The following DOC2A variants were observed in gnomAD, a reference collection of about 807,000 sequenced individuals.
DOC2A encodes the protein double C2-like domain-containing protein alpha.
In DOC2A, 28 loss-of-function variants were observed where a neutral mutation model predicts 40.6. The ratio of observed to expected loss-of-function variants is 0.69; its 90% CI spans 0.51 to 0.95. The LOEUF is 0.95. Among genes scored for constraint, DOC2A ranks in the 40% least tolerant of loss-of-function variants. DOC2A has a pLI of 0.00. For missense variants in DOC2A, 474 were observed against 552.5 expected, an observed-to-expected ratio of 0.86 and a Z score of 1.42; for synonymous variants, 241 against 236.9, an observed-to-expected ratio of 1.02 and a Z score of -0.16.
Position 30,008,984 on chromosome 16 carries a change from G to T in DOC2A, c.527+12C>A, listed in dbSNP as rs1292578433. On this transcript the variant is annotated intron_variant, in intron 5 of 10. Transcript: ENST00000350119. ...CGAGCTGCTGCTGGGTGGTGGGGAG[G>T]GGGGCCCTCACCTGAGCACCTTGTG... 1 of 1,590,684 alleles carries T rather than the reference G, an allele frequency of 6.3e-7. No individual in the cohort carries two copies. Among genetic ancestry groups the T allele is most frequent in the South Asian group, 1.1e-5 (1 of 90,540 alleles).
Position 30,010,936 on chromosome 16 carries a change from G to A in DOC2A, c.-47C>T, listed in dbSNP as rs529244443. 435 of 1,013,580 alleles carry A rather than the reference G, an allele frequency of 4.3e-4. No homozygotes were observed. Among genetic ancestry groups the A allele is most frequent in the Admixed American group, 8.3e-4 (14 of 16,866 alleles). 62.8% of individuals were successfully genotyped at this position (1,013,580 alleles called of 1,614,324 possible). On this transcript the variant is annotated 5_prime_UTR_variant, in exon 1 of 11. Coordinates refer to ENST00000350119, the MANE Select transcript of DOC2A (RefSeq NM_003586.3). The surrounding 1 kb of genome is among the most constrained non-coding windows in gnomAD (Gnocchi z 4.2). Reference sequence around the variant, plus strand: ...CCAACAGGTGCCCAGGCACTGGGGGGACGGCGGGCGCAGGCTGGGCGGCGG... The same window carrying A: ...CCAACAGGTGCCCAGGCACTGGGGGAACGGCGGGCGCAGGCTGGGCGGCGG...
At position 30,010,981 on chromosome 16, in the gene DOC2A, G is replaced by A; in HGVS notation, c.-92C>T. 6 of 1,003,210 alleles carry A rather than the reference G, an allele frequency of 6.0e-6. No individual in the cohort carries two copies. Among genetic ancestry groups the A allele is most frequent in the Non-Finnish European group, 5.9e-6 (5 of 840,340 alleles). 62.1% of individuals were successfully genotyped at this position (1,003,210 alleles called of 1,614,324 possible). On this transcript the variant is annotated 5_prime_UTR_variant, in exon 1 of 11. Transcript: ENST00000350119. This position sits in a 1 kb window ranked among gnomAD's most constrained non-coding sequence, Gnocchi z 4.2. The stretch of plus-strand genomic sequence containing the variant: ...CGGCGGCGGCCGGCGAGGAGAGCGC[G>A]GAGTCGAGCTGTGCGAGCCGAGAGG...
Position 30,009,575 on chromosome 16 carries a change from G to T in DOC2A, c.263-18C>A. ...TAGGGCGGCTGGAGAGAGAGGAAAG[G>T]CAGCATGGGTCGGTATGGAGACAGG... On this transcript the variant is annotated intron_variant, in intron 2 of 10. Coordinates refer to ENST00000350119, the MANE Select transcript of DOC2A (RefSeq NM_003586.3). This position sits in a 1 kb window ranked among gnomAD's most constrained non-coding sequence, Gnocchi z 4.1. The T allele has an allele frequency of 6.5e-7, 1 of 1,549,256 alleles. No homozygotes were observed.
rs2070556644 is a variant in DOC2A, at chr16:30,005,703, G to A, written c.*483C>T. On this transcript the variant is annotated 3_prime_UTR_variant, in exon 11 of 11. Coordinates refer to ENST00000350119, the MANE Select transcript of DOC2A (RefSeq NM_003586.3). ...ATCTGCCACCTGCTGGGGAGGCAGAGACCCTGCAATGGCCACCTCTTTAAA... is the reference window on the plus strand; with the variant it reads ...ATCTGCCACCTGCTGGGGAGGCAGAAACCCTGCAATGGCCACCTCTTTAAA... 2 of 543,642 alleles carry A rather than the reference G, an allele frequency of 3.7e-6. No homozygotes were observed. Among genetic ancestry groups the A allele is most frequent in the Non-Finnish European group, 3.2e-6 (1 of 311,316 alleles). The allele number at this position is 543,642 out of a possible 1,614,324, so 33.7% of individuals were successfully genotyped here. A position where few individuals can be genotyped will look rare whatever the true frequency, so the allele number is the denominator to read the frequency against.
Position 30,009,427 on chromosome 16 carries a change from T to G in DOC2A, c.342+51A>C. On this transcript the variant is annotated intron_variant, in intron 3 of 10. Coordinates refer to ENST00000350119, the MANE Select transcript of DOC2A (RefSeq NM_003586.3). The surrounding 1 kb of genome is among the most constrained non-coding windows in gnomAD (Gnocchi z 4.1). ...AAGGGAAGGAGGAATGGGCCCCCTC[T>G]GGGGGCTGCACGCAAACCGGGCCCG... 2 of 1,530,510 alleles carry G rather than the reference T, an allele frequency of 1.3e-6. No individual in the cohort carries two copies. The highest frequency in any genetic ancestry group is 1.8e-6 in the Non-Finnish European group (2 of 1,128,730). 94.8% of individuals were successfully genotyped at this position (1,530,510 alleles called of 1,614,324 possible).
chr16:30,020,832 C>G (rs1429703269), intron 1 of DOC2A, among the ~76,000 whole-genome samples: 2 of 151,814 alleles, frequency 1.3e-5, no homozygotes, highest in East Asian at 1.9e-4. Context: ...GGGCAACAGA[C>G]AGAGACTCCA....
At chr16:30,021,274 C>T (rs2070905089) in exon 1 of DOC2A, 1 of 152,342 alleles carries the variant, frequency 6.6e-6, no homozygotes. Flanking sequence ...TCTGCAGAGT[C>T]CGCTGAGCAC....
At position 30,007,197 on chromosome 16, in the gene DOC2A, G is replaced by A; in HGVS notation, c.630C>T (p.Asn210=). 1.2e-6 allele frequency: 2 copies of A among 1,614,030 alleles called. No individual in the cohort carries two copies. Among genetic ancestry groups the A allele is most frequent in the Non-Finnish European group, 1.7e-6 (2 of 1,180,030 alleles). ...RLKPSQKKHF[N]ICLERQVPLA... The stretch of plus-strand genomic sequence containing the variant: ...CCGGGACCTGGCGCTCGAGGCAGAT[G>A]TTAAAATGCTTCTTCTGCGAAGGCT... The change falls in exon 6 of 11, where the codon AAC becomes AAT. Residue 210 remains asparagine, a synonymous_variant. Transcript: ENST00000350119.
chr16:30,006,035 C>T lies in DOC2A; in HGVS notation c.*151G>A. ...GTGAATATAGAACTCCGCAGCCCCT[C>T]ATGAGCAGACAGACCCGGGTCACGG... is the stretch of plus-strand genomic sequence containing the variant. On this transcript the variant is annotated 3_prime_UTR_variant, in exon 11 of 11. Coordinates refer to ENST00000350119, the MANE Select transcript of DOC2A (RefSeq NM_003586.3). This position sits in a 1 kb window ranked among gnomAD's most constrained non-coding sequence, Gnocchi z 6.2. The T allele has an allele frequency of 1.1e-6, 1 of 870,336 alleles. No individual in the cohort carries two copies. Among genetic ancestry groups the T allele is most frequent in the South Asian group, 1.8e-5 (1 of 56,046 alleles). The allele number at this position is 870,336 out of a possible 1,614,324, so 53.9% of individuals were successfully genotyped here. A position where few individuals can be genotyped will look rare whatever the true frequency, so the allele number is the denominator to read the frequency against.
chr16:30,006,657 T>G lies in DOC2A; in HGVS notation c.899A>C (p.Asp300Ala). The change falls in exon 9 of 11, where the codon GAC becomes GCC. Residue 300 changes from aspartate to alanine, a missense_variant. Coordinates refer to ENST00000350119, the MANE Select transcript of DOC2A (RefSeq NM_003586.3). The surrounding 1 kb of genome is among the most constrained non-coding windows in gnomAD (Gnocchi z 6.2). ...ACACGTCTTATGCTTGGATTTCTTG[T>G]CCACATCGGGCCTCAGGTACCTGGG... is the stretch of plus-strand genomic sequence containing the variant. ...YVKTYLRPDVDKKSKHKTCVK... is the reference protein window; with the variant it reads ...YVKTYLRPDVAKKSKHKTCVK... 1 of 1,613,558 alleles carries G rather than the reference T, an allele frequency of 6.2e-7. No homozygotes were observed.
chr16:30,011,144 G>C, upstream of DOC2A: 1 of 704,370 alleles, frequency 1.4e-6, no homozygotes, highest in Non-Finnish European at 1.7e-6. Flanking sequence ...CCCGGGGCCC[G>C]CTCGGGAGCG....
intron 1 of DOC2A, among the ~76,000 whole-genome samples, chr16:30,018,220 C>T (rs1405589575): frequency 6.9e-6 from 1 of 145,334 alleles, no homozygotes; most frequent in Non-Finnish European, 1.5e-5. Flanking sequence ...GTCGATGCTG[C>T]AGTGAGCTAT....
rs147170771 is a variant in DOC2A at position 30,007,228 on chromosome 16, C to T, written c.599G>A (p.Arg200His). The T allele has an allele frequency of 9.9e-6, 16 of 1,613,862 alleles. No individual in the cohort carries two copies. The highest frequency in any genetic ancestry group is 1.2e-5 in the Non-Finnish European group (14 of 1,180,026). The stretch of plus-strand genomic sequence containing the variant: ...ATGCTTCTTCTGCGAAGGCTTGAGG[C>T]GGCGGAGGGGCACGCGGATCTCCCC... Reference protein sequence around the residue: ...FIGEIRVPLRRLKPSQKKHFN... With the variant: ...FIGEIRVPLRHLKPSQKKHFN... Residue 200 changes from arginine to histidine, a missense_variant, in exon 6 of 11, where the codon CGC becomes CAC. By Grantham distance (29) the Arg-to-His change is conservative. Transcript: ENST00000350119.
At chr16:30,012,908 T>G (rs965247283), upstream of DOC2A, among the ~76,000 whole-genome samples, 1 of 151,866 alleles carries the variant, frequency 6.6e-6, no homozygotes, top group Admixed American at 6.6e-5. Context: ...GGAGGATCGC[T>G]TGAACCCGGG....
chr16:30,012,752 A>T (rs1053572524), upstream of DOC2A: 1 of 151,720 alleles, frequency 6.6e-6, no homozygotes, highest in African/African-American at 2.4e-5. Flanking sequence ...GCAGTGGCTC[A>T]CGCCTGTAAT....
In DOC2A at chr16:30,010,198, T is replaced by C. The variant is rs749341101; in HGVS notation, c.25A>G (p.Met9Val). The C allele has an allele frequency of 3.7e-6, 6 of 1,613,844 alleles. No homozygotes were observed. The East Asian group carries it at 8.9e-5, about 24-fold the overall frequency. The change falls in exon 2 of 11, where the codon ATG becomes GTG. Residue 9 changes from methionine (M) to valine (V), a missense_variant. By Grantham distance (21) the Met-to-Val change is conservative. Coordinates refer to ENST00000350119, the MANE Select transcript of DOC2A (RefSeq NM_003586.3). This position sits in a 1 kb window ranked among gnomAD's most constrained non-coding sequence, Gnocchi z 4.2. The part of the protein sequence containing the change: MRGRRGDR[M>V]TINIQEHMAI... The stretch of plus-strand genomic sequence containing the variant: ...ATGTGCTCCTGGATGTTGATGGTCA[T>C]GCGATCGCCCCTGCGGCCCCTCATG...
chr16:30,014,249 C>G (rs940025232), upstream of DOC2A, among the ~76,000 whole-genome samples: 1 of 150,412 alleles, frequency 6.6e-6, no homozygotes, highest in Non-Finnish European at 1.5e-5. Context: ...TCAAGCAATC[C>G]TCCCGCTTCG....
At chr16:30,011,203 G>C (rs967822111), upstream of DOC2A, 13 of 694,932 alleles carry the variant, frequency 1.9e-5, no homozygotes, top group Non-Finnish European at 2.1e-5. Flanking sequence ...CACTCACGCA[G>C]GGGCACGCGG....
rs1316486452 is a variant in DOC2A, at chr16:30,009,970, C to G, written c.253G>C (p.Asp85His). 1.2e-6 allele frequency: 2 copies of G among 1,611,460 alleles called. No individual in the cohort carries two copies. Among genetic ancestry groups the G allele is most frequent in the Non-Finnish European group, 8.5e-7 (1 of 1,179,776 alleles). The stretch of plus-strand genomic sequence containing the variant: ...AAGCCCCCAGACTCACTGGCATCAT[C>G]CGAGTCATAGCTGTCCACCTCCGCA... ...DGAEVDSYDSDDATALGTLEF... is the reference protein window; with the variant it reads ...DGAEVDSYDSHDATALGTLEF... Residue 85 changes from aspartate (D) to histidine (H), a missense_variant, in exon 2 of 11, where the codon GAT becomes CAT. Transcript: ENST00000350119. This position sits in a 1 kb window ranked among gnomAD's most constrained non-coding sequence, Gnocchi z 4.1.
Sources: allele counts gnomAD v4.1 joint callset (sites outside exome capture counted in the v4.1 genomes callset), GRCh38; gene constraint gnomAD v4.1.1; non-coding constraint Gnocchi (gnomAD v3.1); transcripts MANE v1.5; gene names NCBI Gene and HGNC (gene_info 2026-07-23, HGNC 2026-07-21).